PTPRK: variants seen among roughly 807,000 people sequenced by gnomAD.
The protein encoded by PTPRK is protein tyrosine phosphatase receptor type K.
Under a neutral mutation model 178.0 loss-of-function variants are expected in PTPRK, and 75 were observed. The ratio of observed to expected loss-of-function variants is 0.42; its 90% confidence interval spans 0.35 to 0.51. The LOEUF (loss-of-function observed/expected upper bound fraction) is 0.51, where lower values mean the gene tolerates loss of function less well. Among genes scored for constraint, PTPRK ranks in the 20% least tolerant of loss-of-function variants. PTPRK has a pLI of 0.02. For missense variants in PTPRK, 1,441 were observed against 1,797.8 expected (o/e 0.80, Z 3.59); for synonymous variants, 637 against 620.6 (o/e 1.03, Z -0.39).
At chr6:128,128,162 C>A (rs528004375) in intron 7 of PTPRK, among the ~76,000 whole-genome samples, 1 of 152,204 alleles carries the variant, frequency 6.6e-6, no homozygotes, top group African/African-American at 2.4e-5. Context: ...ATAATTATAT[C>A]TTTATAAAGT....
At chr6:128,086,458 C>T (rs987924192) in intron 8 of PTPRK, among the ~76,000 whole-genome samples, 5 of 152,086 alleles carry the variant, frequency 3.3e-5, no homozygotes, top group African/African-American at 1.2e-4. Context: ...AATAGAAATT[C>T]TACCTTAGGG....
chr6:128,370,390 G>A (rs1836105093), intron 2 of PTPRK, among the ~76,000 whole-genome samples: 1 of 151,996 alleles, frequency 6.6e-6, no homozygotes, highest in East Asian at 1.9e-4. Flanking sequence ...TAGAACTCAG[G>A]GTCCCCTAAG....
intron 2 of PTPRK, among the ~76,000 whole-genome samples, chr6:128,343,926 C>T (rs1409281622): frequency 6.6e-6 from 1 of 152,180 alleles, no homozygotes; most frequent in African/African-American, 2.4e-5. Context: ...GGGGTCAGAT[C>T]AACCTTGGTT....
intron 3 of PTPRK, among the ~76,000 whole-genome samples, chr6:128,268,506 G>C (rs377720927): frequency 2.6e-5 from 4 of 152,092 alleles, no homozygotes; most frequent in South Asian, 2.1e-4. Context: ...TCTTGGGAAT[G>C]GGGTCCTTAT....
chr6:128,053,554 T>C (rs1040154252), intron 13 of PTPRK, among the ~76,000 whole-genome samples: 14 of 152,144 alleles, frequency 9.2e-5, no homozygotes, highest in African/African-American at 3.4e-4. Context: ...CCAAGGTGGA[T>C]TGCCTACTGT....
intron 6 of PTPRK, among the ~76,000 whole-genome samples, chr6:128,215,905 A>C (rs1022221488): frequency 6.6e-6 from 1 of 152,124 alleles, no homozygotes; most frequent in African/African-American, 2.4e-5. Flanking sequence ...ACCTGTCAGC[A>C]CAGTTAATTC....
rs1794920561 is a variant in PTPRK, at chr6:128,135,725, T to C, written c.1163-45733A>G. On this transcript the variant is annotated intron_variant, in intron 7 of 29. Transcript: ENST00000368226. ...CTGCTAATTCCATATGCTGTTGATT[T>C]ATAACAGTGAAGCTAAGTCTATGAG... Among the ~76,000 whole-genome samples the C allele has an allele frequency of 2.6e-5, 4 of 152,234 alleles. No individual in the cohort carries two copies. In the South Asian group the frequency reaches 8.3e-4, roughly 31 times the overall value.
intron 1 of PTPRK, among the ~76,000 whole-genome samples, chr6:128,428,437 C>T (rs1844435383): frequency 1.3e-5 from 2 of 152,156 alleles, no homozygotes; most frequent in Non-Finnish European, 2.9e-5. Context: ...CTGTTCTAAG[C>T]ATACTGAGAT....
intron 1 of PTPRK, among the ~76,000 whole-genome samples, chr6:128,407,653 AAAG>A (rs1299174509): frequency 1.7e-4 from 25 of 147,712 alleles, no homozygotes; most frequent in African/African-American, 5.5e-4. Context: ...AAAAAAAAAA[AAAG>A]AAGAAGAAGA....
intron 7 of PTPRK, among the ~76,000 whole-genome samples, chr6:128,117,988 T>A (rs112295193): frequency 0.026 from 3,912 of 152,272 alleles, 76 homozygotes; most frequent in Middle Eastern, 0.092. Context: ...TAATTCATTT[T>A]TTTGTGACAG....
intron 2 of PTPRK, among the ~76,000 whole-genome samples, chr6:128,324,315 T>A (rs530280596): frequency 1.1e-4 from 17 of 152,260 alleles, no homozygotes; most frequent in Non-Finnish European, 1.3e-4. Flanking sequence ...CTAATAGTCA[T>A]TTTTTCCTAT....
chr6:128,287,298 C>T (rs746276198), intron 3 of PTPRK, among the ~76,000 whole-genome samples: 7 of 152,156 alleles, frequency 4.6e-5, no homozygotes, highest in Non-Finnish European at 1.0e-4. Context: ...ACTGTCTTCC[C>T]TGAAGACCAT....
rs368477933 is a variant in PTPRK at position 128,408,840 on chromosome 6, A to G, written c.101-11152T>C. Among the ~76,000 whole-genome samples, 6 of 152,332 alleles carry G rather than the reference A, an allele frequency of 3.9e-5. No homozygotes were observed. The East Asian group carries it at 1.2e-3, about 29-fold the overall frequency. On this transcript the variant is annotated intron_variant, in intron 1 of 29. Coordinates refer to ENST00000368226, the MANE Select transcript of PTPRK (RefSeq NM_002844.4). ...AAAATGGCTTGCAAATATACCCTCAAACTTTGGACTAATGAATAATAGTAA... is the reference window on the plus strand; with the variant it reads ...AAAATGGCTTGCAAATATACCCTCAGACTTTGGACTAATGAATAATAGTAA...
Position 128,089,814 on chromosome 6 carries a change from G to A in PTPRK, c.1341C>T (p.Pro447=), listed in dbSNP as rs571650073. Residue 447 remains proline, a synonymous_variant, in exon 8 of 30, where the codon CCC becomes CCT. Coordinates refer to ENST00000368226, the MANE Select transcript of PTPRK (RefSeq NM_002844.4). ...ESKADCLDMD[P]KAPQHVVNHL... is the part of the protein sequence containing the mutation. ...GGTTCACAACATGCTGAGGGGCTTT[G>A]GGGTCCATGTCCAAACAGTCTGCCT... The A allele has an allele frequency of 1.2e-6, 2 of 1,613,968 alleles. No homozygotes were observed. Among genetic ancestry groups the A allele is most frequent in the South Asian group, 2.2e-5 (2 of 91,078 alleles).
At chr6:128,231,222 AAAG>A (rs1310688751) in intron 5 of PTPRK, among the ~76,000 whole-genome samples, 1 of 152,204 alleles carries the variant, frequency 6.6e-6, no homozygotes, top group Non-Finnish European at 1.5e-5. Context: ...AGCTATGCAG[AAAG>A]AAGATAATGC....
At chr6:128,502,253 C>A (rs530888610) in intron 1 of PTPRK, among the ~76,000 whole-genome samples, 2 of 152,186 alleles carry the variant, frequency 1.3e-5, no homozygotes, top group African/African-American at 4.8e-5. Context: ...ATAGTCATAT[C>A]AGCACCTGAG....
chr6:127,997,025 T>C (rs1192243362), intron 16 of PTPRK, 37 bp from the exon 17 acceptor site: 6 of 1,587,588 alleles, frequency 3.8e-6, no homozygotes, highest in Non-Finnish European at 4.3e-6. Flanking sequence ...CTGAATTTAA[T>C]TCCTTTTTAA....
At chr6:128,117,151 T>TA (rs1390350384) in intron 7 of PTPRK, among the ~76,000 whole-genome samples, 1 of 151,380 alleles carries the variant, frequency 6.6e-6, no homozygotes, top group Non-Finnish European at 1.5e-5. Context: ...GTCAAAAAAA[T>TA]AAAAAATAAA....
chr6:128,201,431 C>T (rs4897251), intron 6 of PTPRK, among the ~76,000 whole-genome samples: 2,351 of 152,218 alleles, frequency 0.015, 117 homozygotes, highest in East Asian at 0.11. Flanking sequence ...TGAGTGTGTG[C>T]GTATGTTTAC....
Sources: gnomAD v4.1 joint callset for allele counts (sites outside exome capture counted in the v4.1 genomes callset) on GRCh38, gnomAD v4.1.1 for gene constraint, MANE v1.5 for transcripts, NCBI Gene and HGNC (gene_info 2026-07-23, HGNC 2026-07-21) for gene names.